SLC10A7: variants seen among roughly 807,000 people sequenced by gnomAD.
The protein encoded by SLC10A7 is solute carrier family 10 member 7.
Under a neutral mutation model 43.2 loss-of-function variants are expected in SLC10A7, and 29 were observed. That is an observed-to-expected ratio of 0.67 (90% CI 0.50 to 0.92). The LOEUF (loss-of-function observed/expected upper bound fraction) is 0.92, where lower values mean the gene tolerates loss of function less well. Ranked by LOEUF, SLC10A7 falls within the 40% of genes least tolerant of loss-of-function variation. The pLI is 0.00. For synonymous variants in SLC10A7, 152 were observed against 144.8 expected, an observed-to-expected ratio of 1.05 and a Z score of -0.35; for missense variants, 295 against 403.2, an observed-to-expected ratio of 0.73 and a Z score of 2.30.
At chr4:146,519,369 C>CAACATAAAT (rs1738406608) in intron 1 of SLC10A7, among the ~76,000 whole-genome samples, 1 of 146,858 alleles carries the variant, frequency 6.8e-6, no homozygotes, top group African/African-American at 2.5e-5. Context: ...AGATGACCTA[C>CAACATAAAT]TATGTCTTAG....
chr4:146,269,915 C>T (rs920865010), intron 10 of SLC10A7, among the ~76,000 whole-genome samples: 27 of 152,138 alleles, frequency 1.8e-4, no homozygotes, highest in African/African-American at 5.8e-4. Context: ...TGCACATTAA[C>T]GATTTTTAAT....
chr4:146,258,620 A>G (rs1385972127), intron 11 of SLC10A7, 72 bp downstream of exon 11: 4 of 1,455,170 alleles, frequency 2.7e-6, no homozygotes, highest in Non-Finnish European at 3.7e-6. Context: ...TCGAAAGTGT[A>G]TGAACAGTTC....
At chr4:146,456,300 A>G (rs1732045599) in intron 4 of SLC10A7, among the ~76,000 whole-genome samples, 1 of 151,994 alleles carries the variant, frequency 6.6e-6, no homozygotes, top group Non-Finnish European at 1.5e-5. Context: ...GTGAACTTTT[A>G]AAGAGTCACA....
intron 7 of SLC10A7, among the ~76,000 whole-genome samples, chr4:146,300,763 C>A (rs1731104298): frequency 6.6e-6 from 1 of 151,932 alleles, no homozygotes; most frequent in Non-Finnish European, 1.5e-5. Context: ...GAACTGGTAT[C>A]CTTAAAAAAG....
At chr4:146,484,866 A>G (rs1477943155) in intron 4 of SLC10A7, among the ~76,000 whole-genome samples, 2 of 152,344 alleles carry the variant, frequency 1.3e-5, no homozygotes, top group African/African-American at 2.4e-5. Context: ...AAAGACAGAT[A>G]CAAGGAATTA....
At chr4:146,486,578 C>T (rs1734940015) in intron 4 of SLC10A7, among the ~76,000 whole-genome samples, 1 of 152,084 alleles carries the variant, frequency 6.6e-6, no homozygotes, top group South Asian at 2.1e-4. Context: ...GTTCCAGATG[C>T]CATTTTTAAC....
chr4:146,403,197 C>T (rs1370760837), intron 5 of SLC10A7, among the ~76,000 whole-genome samples: 3 of 152,240 alleles, frequency 2.0e-5, no homozygotes, highest in Admixed American at 6.5e-5. Flanking sequence ...TAAACTTACC[C>T]TGCTTGGGAC....
At chr4:146,398,885 C>T (rs563743849) in intron 5 of SLC10A7, among the ~76,000 whole-genome samples, 1 of 152,160 alleles carries the variant, frequency 6.6e-6, no homozygotes, top group Non-Finnish European at 1.5e-5. Flanking sequence ...AGATATTTAG[C>T]ACATACTAGG....
chr4:146,520,289 A>G (rs974497569), intron 1 of SLC10A7, among the ~76,000 whole-genome samples: 1 of 152,196 alleles, frequency 6.6e-6, no homozygotes, highest in Non-Finnish European at 1.5e-5. Context: ...TTCATTTGAC[A>G]GACCTGATCT....
chr4:146,257,636 GATA>G (rs1727964487), intron 11 of SLC10A7, among the ~76,000 whole-genome samples: 1 of 152,196 alleles, frequency 6.6e-6, no homozygotes, highest in Non-Finnish European at 1.5e-5. Context: ...GAACAATGAT[GATA>G]ATAATTATGG....
intron 4 of SLC10A7, among the ~76,000 whole-genome samples, chr4:146,448,124 G>C (rs931800286): frequency 1.3e-5 from 2 of 151,804 alleles, no homozygotes; most frequent in Admixed American, 1.3e-4. Context: ...GCTAAATGAC[G>C]AGTTAATGGG....
intron 9 of SLC10A7, among the ~76,000 whole-genome samples, chr4:146,285,626 A>G (rs1030325651): frequency 6.6e-6 from 1 of 152,186 alleles, no homozygotes; most frequent in African/African-American, 2.4e-5. Flanking sequence ...AGAAGGAAGA[A>G]CCAAAGAGAA....
intron 4 of SLC10A7, among the ~76,000 whole-genome samples, chr4:146,462,542 T>C (rs554567676): frequency 9.2e-5 from 14 of 152,302 alleles, no homozygotes; most frequent in African/African-American, 3.1e-4. Flanking sequence ...TTGACTCTAA[T>C]ATGCTATGTA....
At chr4:146,467,876 T>A (rs1579265285) in intron 4 of SLC10A7, among the ~76,000 whole-genome samples, 1 of 152,162 alleles carries the variant, frequency 6.6e-6, no homozygotes, top group East Asian at 1.9e-4. Context: ...CCCTCTTTTA[T>A]CTATGATTCA....
At chr4:146,418,682 G>A (rs879002147) in intron 5 of SLC10A7, among the ~76,000 whole-genome samples, 1 of 152,086 alleles carries the variant, frequency 6.6e-6, no homozygotes, top group South Asian at 2.1e-4. Flanking sequence ...TTCTGACACC[G>A]GATGTGTAGG....
chr4:146,375,377 T>C (rs1560847763), intron 5 of SLC10A7, among the ~76,000 whole-genome samples: 2 of 152,132 alleles, frequency 1.3e-5, no homozygotes. Context: ...TTTGCATTCA[T>C]TGTTTCCTTT....
Position 146,264,038 on chromosome 4 carries a change from C to A in SLC10A7, c.848-5201G>T, listed in dbSNP as rs533941882. Among the ~76,000 whole-genome samples the A allele has an allele frequency of 7.2e-5, 11 of 152,338 alleles. No homozygotes were observed. In the South Asian group the frequency reaches 1.2e-3, roughly 17 times the overall value. ...TCTAAAATTATCCAACAGAGTTTGACACTGCAGCATATTCCATAAGCAGAG... is the reference window on the plus strand; with the variant it reads ...TCTAAAATTATCCAACAGAGTTTGAAACTGCAGCATATTCCATAAGCAGAG... On this transcript the variant is annotated intron_variant, in intron 10 of 11. Transcript: ENST00000335472.
intron 5 of SLC10A7, among the ~76,000 whole-genome samples, chr4:146,329,904 T>C (rs141794212): frequency 6.6e-6 from 1 of 152,332 alleles, no homozygotes; most frequent in African/African-American, 2.4e-5. Flanking sequence ...CCTAAGTAAA[T>C]TCTCCTGAAA....
chr4:146,459,461 G>GACAGATGTGGTA (rs1199454507), intron 4 of SLC10A7, among the ~76,000 whole-genome samples: 8 of 151,566 alleles, frequency 5.3e-5, no homozygotes, highest in Non-Finnish European at 7.4e-5. Flanking sequence ...TGTGGTACTG[G>GACAGATGTGGTA]CTTAAGGACA....
Sources: allele counts gnomAD v4.1 joint callset (sites outside exome capture counted in the v4.1 genomes callset), GRCh38; gene constraint gnomAD v4.1.1; transcripts MANE v1.5; gene names NCBI Gene and HGNC (gene_info 2026-07-23, HGNC 2026-07-21).